The following SLC6A15 variants were observed in gnomAD, a reference collection of about 807,000 sequenced individuals.
The protein encoded by SLC6A15 is solute carrier family 6 member 15, also known as sodium-dependent neutral amino acid transporter B(0)AT2.
Under a neutral mutation model 68.5 loss-of-function variants are expected in SLC6A15, and 33 were observed. That is an observed-to-expected ratio of 0.48 (90% CI 0.37 to 0.64). SLC6A15 has a LOEUF of 0.64. Among genes scored for constraint, SLC6A15 ranks in the 30% least tolerant of loss-of-function variants. The pLI is 0.00. For synonymous variants in SLC6A15, 347 were observed against 301.0 expected, an observed-to-expected ratio of 1.15 and a Z score of -1.58; for missense variants, 747 against 874.3, an observed-to-expected ratio of 0.85 and a Z score of 1.84.
Position 84,861,959 on chromosome 12 carries a change from A to G in SLC6A15, c.1866T>C (p.Cys622=). 6.2e-7 allele frequency: 1 copy of G among 1,613,032 alleles called. No homozygotes were observed. Among genetic ancestry groups the G allele is most frequent in the Non-Finnish European group, 8.5e-7 (1 of 1,179,554 alleles). The change falls in exon 12 of 12, where the codon TGT becomes TGC. Residue 622 remains cysteine (C), a synonymous_variant. Transcript: ENST00000266682. ...GTATTGCAAAGACAACCAGAGAGAC[A>G]CAAACAACCAGTCCCCATGTTGGAT... The part of the protein sequence containing the change: ...LSYPTWGLVV[C]VSLVVFAILP...
In SLC6A15 at chr12:84,860,510, G is replaced by T. The variant is rs530676592; in HGVS notation, c.*1122C>A. 1 of 151,970 alleles carries T rather than the reference G, an allele frequency of 6.6e-6. No individual in the cohort carries two copies. Among genetic ancestry groups the T allele is most frequent in the African/African-American group, 2.4e-5 (1 of 41,392 alleles). 9.4% of individuals were successfully genotyped at this position (151,970 alleles called of 1,614,324 possible). ...TCTATTTTTCCTTAGACTCTGAAGC[G>T]GTGGTAACTCTATTCAATTAATGTA... On this transcript the variant is annotated 3_prime_UTR_variant, in exon 12 of 12. Coordinates refer to ENST00000266682, the MANE Select transcript of SLC6A15 (RefSeq NM_182767.6).
intron 4 of SLC6A15, among the ~76,000 whole-genome samples, chr12:84,885,182 T>G (rs1035444954): frequency 2.6e-5 from 4 of 152,050 alleles, no homozygotes; most frequent in African/African-American, 7.2e-5. Flanking sequence ...AGTTAATAAG[T>G]GAAGGCTTAT....
intron 2 of SLC6A15, among the ~76,000 whole-genome samples, chr12:84,890,812 T>C (rs1056785566): frequency 1.3e-5 from 2 of 152,290 alleles, no homozygotes; most frequent in Admixed American, 6.5e-5. Context: ...AAATAAACCA[T>C]ATTTTTGTCC....
At chr12:84,886,889 T>G (rs1872134572) in intron 2 of SLC6A15, among the ~76,000 whole-genome samples, 1 of 152,198 alleles carries the variant, frequency 6.6e-6, no homozygotes, top group East Asian at 1.9e-4. Context: ...TAATACAAGA[T>G]TCTATTAACT....
At position 84,867,068 on chromosome 12, in the gene SLC6A15, T is replaced by C. The variant is rs777778889; in HGVS notation, c.1621A>G (p.Asn541Asp). 1.9e-6 allele frequency: 3 copies of C among 1,609,610 alleles called. No individual in the cohort carries two copies. Among genetic ancestry groups the C allele is most frequent in the Non-Finnish European group, 2.5e-6 (3 of 1,178,080 alleles). The change falls in exon 10 of 12, where the codon AAT becomes GAT. Residue 541 changes from asparagine (N) to aspartate (D), a missense_variant. By Grantham distance (23) the Asn-to-Asp change is conservative. Coordinates refer to ENST00000266682, the MANE Select transcript of SLC6A15 (RefSeq NM_182767.6). ...CCATAAACAAAGCATACAGCAATATTCTCCAAAATGACTACAATTAGCAGA... is the reference window on the plus strand; with the variant it reads ...CCATAAACAAAGCATACAGCAATATCCTCCAAAATGACTACAATTAGCAGA... ...LPLLIVVILE[N>D]IAVCFVYGID... is the part of the protein sequence containing the mutation.
intron 1 of SLC6A15, among the ~76,000 whole-genome samples, chr12:84,902,800 A>G (rs1289864003): frequency 6.6e-6 from 1 of 152,150 alleles, no homozygotes; most frequent in African/African-American, 2.4e-5. Context: ...GAAATAACAT[A>G]ATTATAGAAA....
chr12:84,890,728 CAGGAA>C (rs771943141), intron 2 of SLC6A15, among the ~76,000 whole-genome samples: 7 of 151,962 alleles, frequency 4.6e-5, no homozygotes, highest in Non-Finnish European at 8.8e-5. Flanking sequence ...TTTCAGTGGC[CAGGAA>C]AAAATTTACA....
rs1348232316 is a variant in SLC6A15 at position 84,891,853 on chromosome 12, G to C, written c.268C>G (p.Leu90Val). 1.2e-6 allele frequency: 2 copies of C among 1,613,270 alleles called. No homozygotes were observed. Among genetic ancestry groups the C allele is most frequent in the Non-Finnish European group, 8.5e-7 (1 of 1,179,598 alleles). Residue 90 changes from leucine to valine, a missense_variant, in exon 2 of 12, where the codon CTA becomes GTA. Coordinates refer to ENST00000266682, the MANE Select transcript of SLC6A15 (RefSeq NM_182767.6). ...GLGNVWRFPY[L>V]CQKNGGGAYL... ...TTACCGCCCCCATTCTTCTGACATA[G>C]GTATGGAAATCGCCACACATTTCCT...
At chr12:84,896,506 A>G (rs765644363) in intron 1 of SLC6A15, among the ~76,000 whole-genome samples, 2 of 152,256 alleles carry the variant, frequency 1.3e-5, no homozygotes, top group Non-Finnish European at 2.9e-5. Flanking sequence ...TCTTCACTGA[A>G]AACATTTGCC....
intron 5 of SLC6A15, chr12:84,883,452 G>A: frequency 8.7e-7 from 1 of 1,144,876 alleles, no homozygotes; most frequent in South Asian, 2.5e-5. Context: ...ACCTACAGCA[G>A]AGAGAAACAA....
At chr12:84,863,862 ATTT>A (rs1239672181) in intron 10 of SLC6A15, among the ~76,000 whole-genome samples, 1 of 151,800 alleles carries the variant, frequency 6.6e-6, no homozygotes, top group Non-Finnish European at 1.5e-5. Flanking sequence ...TAAACAAAAT[ATTT>A]TCAGTATATT....
intron 1 of SLC6A15, among the ~76,000 whole-genome samples, chr12:84,908,880 C>T (rs1873304417): frequency 1.3e-5 from 2 of 152,004 alleles, no homozygotes; most frequent in Admixed American, 6.6e-5. Context: ...CTTCAAAACT[C>T]TTGATCTCAA....
chr12:84,865,960 G>C (rs1871047580), intron 10 of SLC6A15, among the ~76,000 whole-genome samples: 1 of 152,148 alleles, frequency 6.6e-6, no homozygotes, highest in Non-Finnish European at 1.5e-5. Context: ...CAAGTAGCAT[G>C]ATTGCTGGAT....
rs184696964 is a variant in SLC6A15 at position 84,911,029 on chromosome 12, G to C, written c.-189+1494C>G. Reference sequence around the variant, plus strand: ...TAGTCCATCATTAAGTATTTATTAAGAACGTACAAGTCAAGCCCAGTACTG... The same window carrying C: ...TAGTCCATCATTAAGTATTTATTAACAACGTACAAGTCAAGCCCAGTACTG... On this transcript the variant is annotated intron_variant, in intron 1 of 11. Transcript: ENST00000266682. Among the ~76,000 whole-genome samples, 21 of 152,104 alleles carry C rather than the reference G, an allele frequency of 1.4e-4. No individual in the cohort carries two copies. The East Asian group carries it at 3.5e-3, about 25-fold the overall frequency.
Position 84,873,323 on chromosome 12 carries a change from T to C in SLC6A15, c.873A>G (p.Glu291=). The C allele has an allele frequency of 3.0e-5, 48 of 1,613,162 alleles. No homozygotes were observed. The highest frequency in any genetic ancestry group is 4.0e-5 in the Non-Finnish European group (47 of 1,179,710). ...GIRHMFTPKL[E]IMLEPKVWRE... Reference sequence around the variant, plus strand: ...TCCAGACCTTGGGCTCCAGCATTATTTCAAGCTGTTTAAAAATAAACATAA... The same window carrying C: ...TCCAGACCTTGGGCTCCAGCATTATCTCAAGCTGTTTAAAAATAAACATAA... The change falls in exon 7 of 12, where the codon GAA becomes GAG. Residue 291 remains glutamate, a synonymous_variant. Coordinates refer to ENST00000266682, the MANE Select transcript of SLC6A15 (RefSeq NM_182767.6).
At chr12:84,895,498 G>A (rs1051125973) in intron 1 of SLC6A15, among the ~76,000 whole-genome samples, 13 of 151,352 alleles carry the variant, frequency 8.6e-5, no homozygotes, top group African/African-American at 2.4e-4. Context: ...ACAGGCACCC[G>A]TCCCCATGCC....
At chr12:84,897,832 A>G (rs1445373216) in intron 1 of SLC6A15, among the ~76,000 whole-genome samples, 2 of 152,198 alleles carry the variant, frequency 1.3e-5, no homozygotes, top group South Asian at 4.1e-4. Context: ...AGAGAAAACA[A>G]AGTAAAAGAT....
chr12:84,900,645 T>C (rs1044882347), intron 1 of SLC6A15, among the ~76,000 whole-genome samples: 7 of 151,790 alleles, frequency 4.6e-5, no homozygotes, highest in Non-Finnish European at 8.9e-5. Flanking sequence ...AGTGAGGTCA[T>C]TAGTTTGAAT....
At chr12:84,876,469 A>G (rs907476981) in intron 6 of SLC6A15, 28 bp downstream of exon 6, 2 of 1,113,880 alleles carry the variant, frequency 1.8e-6, no homozygotes, top group Non-Finnish European at 2.6e-6. Flanking sequence ...TCATGATCAT[A>G]AGCCTTAAAT....
Sources: allele counts gnomAD v4.1 joint callset (sites outside exome capture counted in the v4.1 genomes callset), GRCh38; gene constraint gnomAD v4.1.1; transcripts MANE v1.5; gene names NCBI Gene and HGNC (gene_info 2026-07-23, HGNC 2026-07-21).